SOD2: variants seen among roughly 807,000 people sequenced by gnomAD.
The protein encoded by SOD2 is superoxide dismutase 2.
SOD2 carries 11 observed loss-of-function variants against 27.0 expected under a neutral mutation model. The ratio of observed to expected loss-of-function variants is 0.41; its 90% CI spans 0.26 to 0.67. The LOEUF is 0.67. Ranked by LOEUF, SOD2 falls within the 30% of genes least tolerant of loss-of-function variation. The pLI is 0.34. For synonymous variants in SOD2, 105 were observed against 103.0 expected (o/e 1.02, Z -0.12); for missense variants, 250 against 274.5 (o/e 0.91, Z 0.63).
chr6:159,691,622 C>T (rs1456395552), intron 2 of SOD2: 1 of 151,846 alleles, frequency 6.6e-6, no homozygotes, highest in Non-Finnish European at 1.5e-5. Flanking sequence ...AAAGACAATA[C>T]TATTTTGTAA....
intron 1 of SOD2, among the ~76,000 whole-genome samples, chr6:159,743,048 T>G (rs1779357092): frequency 6.6e-6 from 1 of 152,170 alleles, no homozygotes; most frequent in Non-Finnish European, 1.5e-5. Context: ...ACTATTTTAT[T>G]TATTTATTTG....
chr6:159,704,531 G>C (rs1447915805), intron 1 of SOD2, among the ~76,000 whole-genome samples: 1 of 152,234 alleles, frequency 6.6e-6, no homozygotes, highest in Non-Finnish European at 1.5e-5. Context: ...CTCACTGCTA[G>C]CACAGCAGCC....
At position 159,679,584 on chromosome 6, in the gene SOD2, A is replaced by T. The variant is rs1779860694; in HGVS notation, c.*2909T>A. On this transcript the variant is annotated 3_prime_UTR_variant, in exon 5 of 5. Coordinates refer to ENST00000538183, the MANE Select transcript of SOD2 (RefSeq NM_000636.4). ...AGTTTAATTATTACAAAATAGTTCA[A>T]GCAACAGATAGAATTTCAAAAACAG... The T allele has an allele frequency of 6.6e-6, 1 of 152,220 alleles. No individual in the cohort carries two copies. The highest frequency in any genetic ancestry group is 2.4e-5 in the African/African-American group (1 of 41,450). 9.4% of individuals were successfully genotyped at this position (152,220 alleles called of 1,614,324 possible).
At chr6:159,727,745 C>A, upstream of SOD2, 2 of 984,070 alleles carry the variant, frequency 2.0e-6, no homozygotes, top group Non-Finnish European at 2.4e-6. Context: ...CGGGGGACCT[C>A]CGGGGCCTGA....
chr6:159,685,138 G>A (rs1333718857), intron 3 of SOD2, 105 bp from the exon 4 acceptor site: 2 of 512,566 alleles, frequency 3.9e-6, no homozygotes, highest in Non-Finnish European at 2.8e-6. Flanking sequence ...TAGGGCCCAA[G>A]AAATTAGACA....
chr6:159,751,336 A>G (rs1480147931), intron 1 of SOD2, among the ~76,000 whole-genome samples: 2 of 152,220 alleles, frequency 1.3e-5, no homozygotes, highest in African/African-American at 2.4e-5. Flanking sequence ...AGATTAATGT[A>G]TCTTACAGTT....
intron 1 of SOD2, among the ~76,000 whole-genome samples, chr6:159,740,547 C>G (rs1779190032): frequency 6.6e-6 from 1 of 152,178 alleles, no homozygotes; most frequent in Non-Finnish European, 1.5e-5. Flanking sequence ...ATAGCCTCCA[C>G]TGAAGATCTT....
chr6:159,733,179 AGAAT>A (rs967551525), intron 1 of SOD2, among the ~76,000 whole-genome samples: 85 of 47,552 alleles, frequency 1.8e-3, no homozygotes, highest in Non-Finnish European at 5.6e-3. Flanking sequence ...AAAGAAAAAA[AGAAT>A]AATATACATT....
At chr6:159,756,669 A>G (rs2114965480) in intron 1 of SOD2, among the ~76,000 whole-genome samples, 1 of 139,662 alleles carries the variant, frequency 7.2e-6, no homozygotes, top group Admixed American at 8.1e-5. Context: ...TGGTGCAGTC[A>G]TGGCTCACTG....
upstream of SOD2, among the ~76,000 whole-genome samples, chr6:159,732,213 TG>T (rs1234824851): frequency 1.3e-5 from 2 of 152,202 alleles, no homozygotes; most frequent in Admixed American, 1.3e-4. Flanking sequence ...AAACCTGGGT[TG>T]GTCAAGGACC....
chr6:159,761,808 C>T (rs1433722548), exon 1 of SOD2: 2 of 236,238 alleles, frequency 8.5e-6, no homozygotes, highest in East Asian at 1.1e-4. Context: ...GCGGTTCTGC[C>T]CGCAAGCCCA....
chr6:159,716,001 AAATG>A (rs1777916568), intron 1 of SOD2, among the ~76,000 whole-genome samples: 1 of 152,202 alleles, frequency 6.6e-6, no homozygotes, highest in African/African-American at 2.4e-5. Flanking sequence ...GGTTTTCTGG[AAATG>A]AATAATGACT....
At chr6:159,761,912 C>G in exon 1 of SOD2, 1 of 637,858 alleles carries the variant, frequency 1.6e-6, no homozygotes, top group South Asian at 2.2e-5. Flanking sequence ...CCGCCCGCCC[C>G]TGCTCCGGCC....
At chr6:159,728,447 A>G (rs952255145), upstream of SOD2, among the ~76,000 whole-genome samples, 1 of 152,218 alleles carries the variant, frequency 6.6e-6, no homozygotes, top group Admixed American at 6.5e-5. Context: ...ACTATTATTT[A>G]GTCTGGTAGG....
At chr6:159,724,383 C>T (rs577327326) in intron 1 of SOD2, among the ~76,000 whole-genome samples, 2 of 152,294 alleles carry the variant, frequency 1.3e-5, no homozygotes, top group South Asian at 4.1e-4. Context: ...TGTTATCCTA[C>T]CATATACAGT....
chr6:159,719,249 G>C (rs1195124482), intron 1 of SOD2, among the ~76,000 whole-genome samples: 1 of 152,088 alleles, frequency 6.6e-6, no homozygotes, highest in African/African-American at 2.4e-5. Context: ...AAGTCGGCTG[G>C]CATGGTAACC....
upstream of SOD2, among the ~76,000 whole-genome samples, chr6:159,694,693 T>C (rs1218911081): frequency 6.6e-6 from 1 of 151,938 alleles, no homozygotes; most frequent in Non-Finnish European, 1.5e-5. Flanking sequence ...CCTCCCGGGT[T>C]CAAGCGATTC....
intron 1 of SOD2, chr6:159,726,891 G>A: frequency 7.8e-7 from 1 of 1,289,122 alleles, no homozygotes; most frequent in Non-Finnish European, 1.0e-6. Context: ...GCGGCTCGCC[G>A]CCCACGGCCT....
At chr6:159,706,099 CA>C (rs1361100271) in intron 1 of SOD2, among the ~76,000 whole-genome samples, 1 of 152,160 alleles carries the variant, frequency 6.6e-6, no homozygotes, top group African/African-American at 2.4e-5. Context: ...GCCTGCCCTA[CA>C]AGAGCTCCTG....
Sources: gnomAD v4.1 joint callset for allele counts (sites outside exome capture counted in the v4.1 genomes callset) on GRCh38, gnomAD v4.1.1 for gene constraint, MANE v1.5 for transcripts, NCBI Gene and HGNC (gene_info 2026-07-23, HGNC 2026-07-21) for gene names.